GPC6: variants seen among roughly 807,000 people sequenced by gnomAD.
GPC6 encodes glypican-6.
A neutral mutation model predicts 55.2 loss-of-function variants in GPC6; 14 were observed. The ratio of observed to expected loss-of-function variants is 0.25; its 90% CI spans 0.17 to 0.40. The LOEUF (loss-of-function observed/expected upper bound fraction) is 0.40. GPC6 is among the 10% of genes least tolerant of loss of function. The probability of loss-of-function intolerance (pLI) is 1.00; values close to 1 mark genes in which losing one functional copy is unlikely to be tolerated. For missense variants in GPC6, 641 were observed against 708.5 expected, an observed-to-expected ratio of 0.90 and a Z score of 1.08; for synonymous variants, 278 against 259.6, an observed-to-expected ratio of 1.07 and a Z score of -0.68.
intron 6 of GPC6, among the ~76,000 whole-genome samples, chr13:94,319,154 C>A (rs1329125304): frequency 6.6e-6 from 1 of 151,726 alleles, no homozygotes; most frequent in Admixed American, 6.6e-5. Context: ...TTTTCTTCTT[C>A]TTTCTTGTGG....
intron 1 of GPC6, among the ~76,000 whole-genome samples, chr13:93,372,116 A>G (rs1362023865): frequency 1.3e-5 from 2 of 152,158 alleles, no homozygotes; most frequent in East Asian, 3.9e-4. Context: ...TTATACTTGC[A>G]TCTTTTCAGT....
chr13:93,912,839 A>G (rs11842860), intron 3 of GPC6, among the ~76,000 whole-genome samples: 5,310 of 152,310 alleles, frequency 0.035, 90 homozygotes, highest in African/African-American at 0.047. Context: ...TTCTGGAGGC[A>G]CTGAAAGAGA....
At chr13:93,621,028 C>T (rs3858841) in intron 2 of GPC6, among the ~76,000 whole-genome samples, 67,103 of 151,918 alleles carry the variant, frequency 0.44, 16,238 homozygotes, top group African/African-American at 0.65. Flanking sequence ...ATTTGATGAA[C>T]AGAAAATTTG....
chr13:94,041,830 G>A (rs1397817637), intron 4 of GPC6, among the ~76,000 whole-genome samples: 2 of 151,736 alleles, frequency 1.3e-5, no homozygotes, highest in Non-Finnish European at 2.9e-5. Flanking sequence ...TTATTTTTTA[G>A]CATTTGTTTC....
intron 3 of GPC6, among the ~76,000 whole-genome samples, chr13:93,848,460 G>A (rs892215347): frequency 3.3e-5 from 5 of 151,940 alleles, no homozygotes; most frequent in Admixed American, 3.3e-4. Flanking sequence ...GCCACCTTAA[G>A]GCAACCCTCC....
chr13:93,327,183 C>T (rs1879685444), intron 1 of GPC6, among the ~76,000 whole-genome samples: 1 of 152,136 alleles, frequency 6.6e-6, no homozygotes. Flanking sequence ...TGACTTACCT[C>T]TATCTTTTTA....
intron 2 of GPC6, among the ~76,000 whole-genome samples, chr13:93,795,455 A>G (rs1387979358): frequency 6.6e-6 from 1 of 152,122 alleles, no homozygotes; most frequent in Admixed American, 6.5e-5. Flanking sequence ...CCTAGCCCTC[A>G]CTCAACACCT....
intron 4 of GPC6, among the ~76,000 whole-genome samples, chr13:94,040,417 T>C (rs1883489983): frequency 1.3e-5 from 2 of 151,868 alleles, no homozygotes; most frequent in Non-Finnish European, 2.9e-5. Flanking sequence ...ACATTCGAGA[T>C]ACCAGTGACG....
At chr13:93,236,427 G>T (rs990231802) in intron 1 of GPC6, among the ~76,000 whole-genome samples, 1 of 151,844 alleles carries the variant, frequency 6.6e-6, no homozygotes, top group South Asian at 2.1e-4. Context: ...TTATACCAGG[G>T]ATCCCCAACC....
At chr13:94,023,968 A>G (rs1228838563) in intron 3 of GPC6, among the ~76,000 whole-genome samples, 1 of 152,064 alleles carries the variant, frequency 6.6e-6, no homozygotes, top group Non-Finnish European at 1.5e-5. Flanking sequence ...TTGCCAGGTG[A>G]TGGGGACATT....
chr13:93,348,212 G>C (rs574654288), intron 1 of GPC6, among the ~76,000 whole-genome samples: 44 of 152,286 alleles, frequency 2.9e-4, no homozygotes, highest in Admixed American at 9.2e-4. Context: ...TGGGCAACAT[G>C]ACTAGTATGT....
chr13:93,467,637 G>A (rs778872404), intron 1 of GPC6, among the ~76,000 whole-genome samples: 1 of 143,666 alleles, frequency 7.0e-6, no homozygotes. Flanking sequence ...GATGGAGTGC[G>A]GTATTGTGAT....
intron 1 of GPC6, among the ~76,000 whole-genome samples, chr13:93,249,919 T>G (rs558411498): frequency 6.6e-6 from 1 of 152,330 alleles, no homozygotes; most frequent in East Asian, 1.9e-4. Context: ...ATATAACCTG[T>G]GTAGTTTTCC....
At chr13:93,769,879 A>G (rs989846202) in intron 2 of GPC6, among the ~76,000 whole-genome samples, 1 of 152,220 alleles carries the variant, frequency 6.6e-6, no homozygotes, top group Non-Finnish European at 1.5e-5. Flanking sequence ...AAAGCAAAAC[A>G]TGCTTTGACT....
intron 3 of GPC6, among the ~76,000 whole-genome samples, chr13:93,886,630 C>G (rs1040561048): frequency 2.0e-5 from 3 of 152,024 alleles, no homozygotes; most frequent in Non-Finnish European, 4.4e-5. Context: ...TGAAACTGAC[C>G]TGTCCTTCAT....
chr13:93,616,950 T>C (rs779182970), intron 2 of GPC6, among the ~76,000 whole-genome samples: 3 of 152,122 alleles, frequency 2.0e-5, no homozygotes, highest in African/African-American at 4.8e-5. Flanking sequence ...ACTTTACAGT[T>C]TGTTTTTTCT....
rs57930345 is a variant in GPC6, at chr13:93,269,712, T to C, written c.160+42096T>C. Among the ~76,000 whole-genome samples the C allele has an allele frequency of 7.8e-3, 1,149 of 146,720 alleles. 18 individuals are homozygous for C. The highest frequency in any genetic ancestry group is 0.028 in the African/African-American group (1,094 of 39,404). On this transcript the variant is annotated intron_variant, in intron 1 of 8. Coordinates refer to ENST00000377047, the MANE Select transcript of GPC6 (RefSeq NM_005708.5). ...AGGCCAAGGTGGGCGGATCACGAGG[T>C]CAGGAGATCAAGACTATCCTGGCTA...
intron 2 of GPC6, among the ~76,000 whole-genome samples, chr13:93,754,670 A>G (rs778326156): frequency 2.0e-5 from 3 of 152,040 alleles, no homozygotes; most frequent in Admixed American, 2.0e-4. Context: ...AAGGAAGTCT[A>G]GAGAGGCATA....
At chr13:93,789,158 G>A (rs1322461841) in intron 2 of GPC6, among the ~76,000 whole-genome samples, 1 of 152,084 alleles carries the variant, frequency 6.6e-6, no homozygotes, top group African/African-American at 2.4e-5. Context: ...GTCTGAAAGA[G>A]AAAATAAGAG....
Sources: allele counts gnomAD v4.1 joint callset (sites outside exome capture counted in the v4.1 genomes callset), GRCh38; gene constraint gnomAD v4.1.1; transcripts MANE v1.5; gene names NCBI Gene and HGNC (gene_info 2026-07-23, HGNC 2026-07-21).